The following ITSN2 variants were observed in gnomAD, a reference collection of about 807,000 sequenced individuals.
ITSN2 encodes the protein intersectin-2.
ITSN2 carries 156 observed loss-of-function variants against 243.7 expected under a neutral mutation model. The ratio of observed to expected loss-of-function variants is 0.64; its 90% confidence interval spans 0.56 to 0.73. ITSN2 has a LOEUF of 0.73. Among genes scored for constraint, ITSN2 ranks in the 30% least tolerant of loss-of-function variants. The pLI, the probability that ITSN2 is intolerant of heterozygous loss-of-function variation, is 0.00. For missense variants in ITSN2, 1,801 were observed against 1,996.1 expected, an observed-to-expected ratio of 0.90 and a Z score of 1.86; for synonymous variants, 703 against 699.9, an observed-to-expected ratio of 1.00 and a Z score of -0.07.
intron 17 of ITSN2, among the ~76,000 whole-genome samples, chr2:24,283,319 G>T (rs1418482092): frequency 6.6e-6 from 1 of 152,052 alleles, no homozygotes; most frequent in African/African-American, 2.4e-5. Flanking sequence ...CCGCCTCCCG[G>T]GTTCAAGCGA....
At chr2:24,246,947 T>C (rs1673456212) in intron 27 of ITSN2, 54 bp from the exon 28 acceptor site, 1 of 1,175,444 alleles carries the variant, frequency 8.5e-7, no homozygotes, top group South Asian at 1.3e-5. Context: ...AAAACAATCA[T>C]TGAGACATAA....
chr2:24,259,442 G>A (rs1675521309), intron 22 of ITSN2, among the ~76,000 whole-genome samples: 1 of 152,072 alleles, frequency 6.6e-6, no homozygotes, highest in South Asian at 2.1e-4. Context: ...TTATGTTAGT[G>A]CCAGAATTAT....
intron 1 of ITSN2, among the ~76,000 whole-genome samples, chr2:24,350,292 T>A (rs1687911157): frequency 6.6e-6 from 1 of 152,152 alleles, no homozygotes; most frequent in Non-Finnish European, 1.5e-5. Context: ...TTTTCAACAA[T>A]TTTTCCACTG....
chr2:24,281,348 T>G (rs1392158583), intron 17 of ITSN2, among the ~76,000 whole-genome samples: 1 of 152,168 alleles, frequency 6.6e-6, no homozygotes, highest in East Asian at 1.9e-4. Flanking sequence ...GTTTTCAACC[T>G]CACTGAGACC....
chr2:24,234,387 A>G (rs1320954524), intron 29 of ITSN2, among the ~76,000 whole-genome samples: 2 of 152,202 alleles, frequency 1.3e-5, no homozygotes, highest in Non-Finnish European at 2.9e-5. Context: ...ACACAAAACT[A>G]TAAAGCTCCC....
intron 8 of ITSN2, among the ~76,000 whole-genome samples, chr2:24,304,393 C>G (rs760925255): frequency 6.6e-6 from 1 of 152,218 alleles, no homozygotes; most frequent in Non-Finnish European, 1.5e-5. Flanking sequence ...TATTGTCCCA[C>G]TAGGCTTTCA....
At chr2:24,275,097 T>A (rs1211397112) in intron 18 of ITSN2, among the ~76,000 whole-genome samples, 1 of 152,250 alleles carries the variant, frequency 6.6e-6, no homozygotes. Context: ...AGTATTACTA[T>A]ATACAATTAA....
chr2:24,331,958 T>C lies in ITSN2; in HGVS notation c.-33-3843A>G, dbSNP rs1385310822. Among the ~76,000 whole-genome samples, 4 of 152,082 alleles carry C rather than the reference T, an allele frequency of 2.6e-5. No individual in the cohort carries two copies. The East Asian group carries it at 7.7e-4, about 29-fold the overall frequency. On this transcript the variant is annotated intron_variant, in intron 1 of 39. Transcript: ENST00000355123. The stretch of plus-strand genomic sequence containing the variant: ...TTTCAAGAAGGGAGTTTGAAAGTTG[T>C]TGTGGCCAGGCGCAGTGGTTCATGC...
At chr2:24,336,868 TG>T (rs1391034292) in intron 1 of ITSN2, among the ~76,000 whole-genome samples, 3 of 152,212 alleles carry the variant, frequency 2.0e-5, no homozygotes, top group African/African-American at 7.2e-5. Flanking sequence ...AAACATTTGC[TG>T]AACAAATGAA....
chr2:24,240,530 A>C (rs1672604002), intron 29 of ITSN2: 1 of 152,214 alleles, frequency 6.6e-6, no homozygotes, highest in Admixed American at 6.5e-5. Context: ...CAGACATTAT[A>C]ACTTTATGAA....
chr2:24,318,784 G>C (rs1244510571), intron 2 of ITSN2, among the ~76,000 whole-genome samples: 1 of 152,172 alleles, frequency 6.6e-6, no homozygotes, highest in Admixed American at 6.5e-5. Flanking sequence ...GAGGTAAAAG[G>C]GGATCTAGAG....
intron 20 of ITSN2, among the ~76,000 whole-genome samples, chr2:24,262,756 A>G (rs893205723): frequency 5.3e-5 from 8 of 152,190 alleles, no homozygotes; most frequent in African/African-American, 1.9e-4. Context: ...AACTACTTGC[A>G]AGATATCTTC....
chr2:24,331,434 G>A (rs1685773030), intron 1 of ITSN2, among the ~76,000 whole-genome samples: 1 of 151,928 alleles, frequency 6.6e-6, no homozygotes, highest in Admixed American at 6.6e-5. Flanking sequence ...TGTTTTTGGG[G>A]GAAGGGCCAT....
intron 22 of ITSN2, among the ~76,000 whole-genome samples, chr2:24,258,935 T>C (rs761347146): frequency 2.0e-5 from 3 of 152,312 alleles, no homozygotes; most frequent in African/African-American, 4.8e-5. Flanking sequence ...ATGGCTCCTC[T>C]TTTGTCCAAC....
chr2:24,293,660 A>C (rs544281366), intron 15 of ITSN2, 28 bp downstream of exon 15: 1 of 764,492 alleles, frequency 1.3e-6, no homozygotes, highest in East Asian at 2.9e-5. Flanking sequence ...AAAGGATAAA[A>C]GTAATCAGAC....
intron 4 of ITSN2, 102 bp downstream of exon 4, chr2:24,313,358 A>C: frequency 2.2e-6 from 2 of 890,074 alleles, no homozygotes; most frequent in Admixed American, 5.0e-5. Context: ...AAATATTCTT[A>C]ATAACCAATA....
chr2:24,230,331 T>C (rs1041432071), intron 29 of ITSN2, among the ~76,000 whole-genome samples: 1 of 152,200 alleles, frequency 6.6e-6, no homozygotes, highest in Non-Finnish European at 1.5e-5. Flanking sequence ...CCATGGCTGT[T>C]CTGATCCAAG....
chr2:24,358,932 T>C (rs1157319541), intron 1 of ITSN2, among the ~76,000 whole-genome samples: 1 of 152,212 alleles, frequency 6.6e-6, no homozygotes, highest in East Asian at 1.9e-4. Flanking sequence ...GGAATAGTTA[T>C]CAATGCATGG....
At position 24,286,129 on chromosome 2, in the gene ITSN2, C is replaced by G. The variant is rs1679467985; in HGVS notation, c.1863+83G>C. On this transcript the variant is annotated intron_variant, in intron 16 of 39. Coordinates refer to ENST00000355123, the MANE Select transcript of ITSN2 (RefSeq NM_006277.3). Reference sequence around the variant, plus strand: ...TATGAAAATGTAATACATATAATAGCTTTAGCTATTTATTCTATTAAATCA... The same window carrying G: ...TATGAAAATGTAATACATATAATAGGTTTAGCTATTTATTCTATTAAATCA... 9.3e-6 allele frequency: 7 copies of G among 750,298 alleles called. No individual in the cohort carries two copies. The Admixed American group carries it at 2.0e-4, about 22-fold the overall frequency. The allele number at this position is 750,298 out of a possible 1,614,324, so 46.5% of individuals were successfully genotyped here.
Sources: allele counts gnomAD v4.1 joint callset (sites outside exome capture counted in the v4.1 genomes callset), GRCh38; gene constraint gnomAD v4.1.1; transcripts MANE v1.5; gene names NCBI Gene and HGNC (gene_info 2026-07-23, HGNC 2026-07-21).